Variants in PHB2 observed in about 807,000 individuals in gnomAD.
The protein encoded by PHB2 is prohibitin 2.
Under a neutral mutation model 46.4 loss-of-function variants are expected in PHB2, and 22 were observed. The observed-to-expected ratio is 0.47, with a 90% confidence interval of 0.34 to 0.68. The LOEUF is 0.68. Ranked by LOEUF, PHB2 falls within the 30% of genes least tolerant of loss-of-function variation. The probability of loss-of-function intolerance (pLI) is 0.01; values close to 1 mark genes in which losing one functional copy is unlikely to be tolerated. For missense variants in PHB2, 305 were observed against 382.8 expected, an observed-to-expected ratio of 0.80 and a Z score of 1.70; for synonymous variants, 156 against 150.5, an observed-to-expected ratio of 1.04 and a Z score of -0.27.
In PHB2 at chr12:6,967,574, C is replaced by T. The variant is rs782091993; in HGVS notation, c.711+102G>A. The T allele has an allele frequency of 2.5e-5, 26 of 1,020,088 alleles. 1 individual carries two copies. The highest frequency in any genetic ancestry group is 2.3e-4 in the South Asian group (18 of 78,784). The allele number at this position is 1,020,088 out of a possible 1,614,324, so 63.2% of individuals were successfully genotyped here. A position where few individuals can be genotyped will look rare whatever the true frequency, so the allele number is the denominator to read the frequency against. ...ACAAGGAGCCAAGGGCCAGAGAGCA[C>T]GGAGTCGCATTCGCCTTAGTCTCAT... On this transcript the variant is annotated intron_variant, in intron 6 of 9. Transcript: ENST00000535923. This position sits in a 1 kb window ranked among gnomAD's most constrained non-coding sequence, Gnocchi z 4.9.
Position 6,967,885 on chromosome 12 carries a change from G to C in PHB2, c.607+7C>G, listed in dbSNP as rs781999865. The C allele has an allele frequency of 9.9e-6, 16 of 1,613,242 alleles. No individual in the cohort carries two copies. The highest frequency in any genetic ancestry group is 1.3e-5 in the Non-Finnish European group (15 of 1,179,428). On this transcript the variant is annotated splice_region_variant and intron_variant, in intron 5 of 9. Coordinates refer to ENST00000535923, the MANE Select transcript of PHB2 (RefSeq NM_001144831.2). The surrounding 1 kb of genome is among the most constrained non-coding windows in gnomAD (Gnocchi z 4.9). ...GAAGCCCTCACCCCACGGCTCTTGC[G>C]ACTCACCCACTTGTTTGGCTTCTAC...
In PHB2 at chr12:6,967,835, G is replaced by T; in HGVS notation, c.608-56C>A. 1 of 1,609,994 alleles carries T rather than the reference G, an allele frequency of 6.2e-7. No homozygotes were observed. The highest frequency in any genetic ancestry group is 8.5e-7 in the Non-Finnish European group (1 of 1,177,066). ...TCCTGGGTCAGGAGCCCCACCCATG[G>T]AGTCTTTCCTCCTCCTGCATCTCAG... is the stretch of plus-strand genomic sequence containing the variant. On this transcript the variant is annotated intron_variant, in intron 5 of 9. Transcript: ENST00000535923. This position sits in a 1 kb window ranked among gnomAD's most constrained non-coding sequence, Gnocchi z 4.9.
chr12:6,970,063 A>C (rs1555151739), intron 2 of PHB2, 133 bp downstream of exon 2: 2 of 764,132 alleles, frequency 2.6e-6, no homozygotes, highest in Non-Finnish European at 4.7e-6. Context: ...CGCAGCACCC[A>C]CTATCCTAGG....
In PHB2 at chr12:6,967,688, C is replaced by A. The variant is rs782020239; in HGVS notation, c.699G>T (p.Glu233Asp). The A allele has an allele frequency of 6.2e-7, 1 of 1,613,240 alleles. No individual in the cohort carries two copies. The highest frequency in any genetic ancestry group is 8.5e-7 in the Non-Finnish European group (1 of 1,179,348). The change falls in exon 6 of 10, where the codon GAG (glutamate) becomes GAT (aspartate). Residue 233 changes from glutamate (E) to aspartate (D), a missense_variant. This residue lies in a region of PHB2 where 241 missense variants were observed against 302.7 expected (regional missense o/e 0.80). Transcript: ENST00000535923. This position sits in a 1 kb window ranked among gnomAD's most constrained non-coding sequence, Gnocchi z 4.9. ...QKIVQAEGEA[E>D]AAKMLGEALS... ...AGCAGAAGGATATCATCTTGGCAGC[C>A]TCGGCCTCACCCTCGGCCTGCACAA...
chr12:6,966,914 A>C (rs782443719), intron 7 of PHB2, among the ~76,000 whole-genome samples: 1 of 152,130 alleles, frequency 6.6e-6, no homozygotes, highest in South Asian at 2.1e-4. Flanking sequence ...CGGGCTCATT[A>C]TCTTTTGTAT....
Position 6,967,756 on chromosome 12 carries a change from G to C in PHB2, c.631C>G (p.Gln211Glu). ...QVAQQEAQRA[Q>E]FLVEKAKQEQ... ...TGCTTTGCTTTTTCTACCAAGAATT[G>C]GGCCCGCTGGGCCTCCTGCTGGGCT... The change falls in exon 6 of 10, where the codon CAA becomes GAA. Residue 211 changes from glutamine to glutamate, a missense_variant. Physicochemically the swap from Gln to Glu is conservative, Grantham distance 29. Coordinates refer to ENST00000535923, the MANE Select transcript of PHB2 (RefSeq NM_001144831.2). This position sits in a 1 kb window ranked among gnomAD's most constrained non-coding sequence, Gnocchi z 4.9. The C allele has an allele frequency of 6.2e-7, 1 of 1,613,824 alleles. No homozygotes were observed. Among genetic ancestry groups the C allele is most frequent in the Non-Finnish European group, 8.5e-7 (1 of 1,179,828 alleles).
At position 6,969,495 on chromosome 12, in the gene PHB2, T is replaced by A; in HGVS notation, c.292+3A>T. The A allele has an allele frequency of 6.4e-7, 1 of 1,571,008 alleles. No homozygotes were observed. Among genetic ancestry groups the A allele is most frequent in the Non-Finnish European group, 8.7e-7 (1 of 1,143,784 alleles). Reference sequence around the variant, plus strand: ...CATGTGATTACCAAGTGCTCAGACCTACCTTTGGAGCCTGTAGGGGAGGAG... The same window carrying A: ...CATGTGATTACCAAGTGCTCAGACCAACCTTTGGAGCCTGTAGGGGAGGAG... On this transcript the variant is annotated splice_donor_region_variant and intron_variant, in intron 3 of 9. Coordinates refer to ENST00000535923, the MANE Select transcript of PHB2 (RefSeq NM_001144831.2).
At position 6,965,377 on chromosome 12, in the gene PHB2, T is replaced by C; in HGVS notation, c.*308A>G. The C allele has an allele frequency of 2.2e-6, 1 of 453,916 alleles. No individual in the cohort carries two copies. The highest frequency in any genetic ancestry group is 4.1e-6 in the Non-Finnish European group (1 of 246,186). 28.1% of individuals were successfully genotyped at this position (453,916 alleles called of 1,614,324 possible). ...TTCAGGTTAAGTAATAAAAATTTATTGAGAATTCCTGGGTTGGTGTTTATC... is the reference window on the plus strand; with the variant it reads ...TTCAGGTTAAGTAATAAAAATTTATCGAGAATTCCTGGGTTGGTGTTTATC... On this transcript the variant is annotated 3_prime_UTR_variant, in exon 10 of 10. Transcript: ENST00000535923.
At chr12:6,966,277 G>GAT in intron 8 of PHB2, 147 bp downstream of exon 8, 1 of 644,202 alleles carries the variant, frequency 1.6e-6, no homozygotes, top group Non-Finnish European at 2.8e-6. Context: ...TGAGATGCAA[G>GAT]ATAGAAACTG....
rs1416719051 is a variant in PHB2, at chr12:6,969,520, G to T, written c.270C>A (p.Ile90=). The change falls in exon 3 of 10, where the codon ATC becomes ATA. Residue 90 remains isoleucine, a synonymous_variant. Coordinates refer to ENST00000535923, the MANE Select transcript of PHB2 (RefSeq NM_001144831.2). The part of the protein sequence containing the change: ...IYDIRARPRK[I]SSPTGSKDLQ... Reference sequence around the variant, plus strand: ...TACCTTTGGAGCCTGTAGGGGAGGAGATTTTTCGAGGTCTGGCCCGAATGT... The same window carrying T: ...TACCTTTGGAGCCTGTAGGGGAGGATATTTTTCGAGGTCTGGCCCGAATGT... 2.4e-5 allele frequency: 38 copies of T among 1,607,236 alleles called. No homozygotes were observed. Among genetic ancestry groups the T allele is most frequent in the Non-Finnish European group, 3.2e-5 (38 of 1,174,572 alleles).
Position 6,965,574 on chromosome 12 carries a change from C to T in PHB2, c.*111G>A, listed in dbSNP as rs1555150634. 2.5e-6 allele frequency: 2 copies of T among 806,698 alleles called. No homozygotes were observed. The highest frequency in any genetic ancestry group is 1.7e-5 in the African/African-American group (1 of 59,114). 50.0% of individuals were successfully genotyped at this position (806,698 alleles called of 1,614,324 possible). ...GGTTCAGGGAACCGGTGTGGGGGAC[C>T]ATCGCATGATACTGGGGCGGGGTAG... On this transcript the variant is annotated 3_prime_UTR_variant, in exon 10 of 10. Transcript: ENST00000535923.
intron 3 of PHB2, 117 bp from the exon 4 acceptor site, chr12:6,968,712 G>T (rs147727228): frequency 7.5e-6 from 6 of 802,284 alleles, no homozygotes; most frequent in South Asian, 2.9e-5. Flanking sequence ...CACTACCCTG[G>T]GGGGAGGAGA....
At chr12:6,966,776 G>C (rs1555150843) in intron 7 of PHB2, among the ~76,000 whole-genome samples, 2 of 152,188 alleles carry the variant, frequency 1.3e-5, no homozygotes, top group African/African-American at 4.8e-5. Context: ...ACGGAGTCTT[G>C]CTCTGTTGCT....
intron 2 of PHB2, 150 bp downstream of exon 2, chr12:6,970,046 A>C: frequency 1.4e-6 from 1 of 720,356 alleles, no homozygotes; most frequent in South Asian, 1.5e-5. Context: ...ATGCTGCTGG[A>C]GGTTCTCGCA....
At position 6,967,813 on chromosome 12, in the gene PHB2, T is replaced by C; in HGVS notation, c.608-34A>G. ...GGAGAGAGTCAGGGAGACCCTGTCCTGGGTCAGGAGCCCCACCCATGGAGT... is the reference window on the plus strand; with the variant it reads ...GGAGAGAGTCAGGGAGACCCTGTCCCGGGTCAGGAGCCCCACCCATGGAGT... On this transcript the variant is annotated intron_variant, in intron 5 of 9. Coordinates refer to ENST00000535923, the MANE Select transcript of PHB2 (RefSeq NM_001144831.2). This position sits in a 1 kb window ranked among gnomAD's most constrained non-coding sequence, Gnocchi z 4.9. 6.2e-7 allele frequency: 1 copy of C among 1,609,832 alleles called. No homozygotes were observed. Among genetic ancestry groups the C allele is most frequent in the Non-Finnish European group, 8.5e-7 (1 of 1,176,752 alleles).
In PHB2 at chr12:6,970,458, GC is replaced by G; in HGVS notation, c.85del (p.Ala29ProfsTer74). The G allele has an allele frequency of 6.2e-7, 1 of 1,604,766 alleles. No individual in the cohort carries two copies. The highest frequency in any genetic ancestry group is 8.5e-7 in the Non-Finnish European group (1 of 1,179,548). ...MGTALKLLLGAGAVAYGVRES... is the reference protein window; with the variant it reads ...MGTALKLLLGXGAVAYGVRES... ...GCGCACACCGTAGGCCACGGCGCCGGCCCCCAGCAACAGCTTCAGGGCCGTG... is the reference window on the plus strand; with the variant it reads ...GCGCACACCGTAGGCCACGGCGCCGGCCCCAGCAACAGCTTCAGGGCCGTG... On this transcript the variant is annotated frameshift_variant, in exon 1 of 10. Coordinates refer to ENST00000535923, the MANE Select transcript of PHB2 (RefSeq NM_001144831.2). LOFTEE classifies it high-confidence loss of function.
chr12:6,969,953 C>A (rs1946290981), intron 2 of PHB2: 1 of 693,876 alleles, frequency 1.4e-6, no homozygotes, highest in African/African-American at 1.8e-5. Context: ...GGTTTCCCCT[C>A]ACCACGCGTT....
At chr12:6,966,295 C>T (rs1373846560) in intron 8 of PHB2, 129 bp downstream of exon 8, 12 of 682,656 alleles carry the variant, frequency 1.8e-5, no homozygotes, top group Non-Finnish European at 8.1e-6. Flanking sequence ...CTGTCAACCA[C>T]CCCCTTTTCT....
chr12:6,970,697 C>T (rs1257085008), upstream of PHB2: 3 of 1,014,024 alleles, frequency 3.0e-6, no homozygotes, highest in Non-Finnish European at 4.2e-6. Flanking sequence ...CCTTTGAAAC[C>T]CTCCCCCTTA....
Sources: gnomAD v4.1 joint callset for allele counts (sites outside exome capture counted in the v4.1 genomes callset) on GRCh38, gnomAD v4.1.1 for gene constraint, gnomAD v4.1.1 regional missense constraint, Gnocchi (gnomAD v3.1) non-coding constraint, MANE v1.5 for transcripts, NCBI Gene and HGNC (gene_info 2026-07-23, HGNC 2026-07-21) for gene names.